Variants in ATP6V1A observed in about 807,000 individuals in gnomAD.
ATP6V1A encodes ATPase H+ transporting V1 subunit A, also known as V-type proton ATPase catalytic subunit A.
ATP6V1A carries 18 observed loss-of-function variants against 70.1 expected under a neutral mutation model. The observed-to-expected ratio is 0.26, with a 90% CI of 0.18 to 0.38. ATP6V1A has a LOEUF of 0.38. ATP6V1A is among the 10% of genes least tolerant of loss of function. The probability of loss-of-function intolerance (pLI) is 1.00; values close to 1 mark genes in which losing one functional copy is unlikely to be tolerated. For missense variants in ATP6V1A, 424 were observed against 772.4 expected (o/e 0.55, Z 5.35); for synonymous variants, 232 against 253.8 (o/e 0.91, Z 0.82).
Position 113,795,116 on chromosome 3 carries a change from G to C in ATP6V1A, c.1138G>C (p.Ala380Pro). ...ADSGYPAYLG[A>P]RLASFYERAG... ...TAGTGGATATCCAGCCTATCTTGGT[G>C]CCCGTCTGGCCTCGTTTTATGAACG... is the stretch of plus-strand genomic sequence containing the variant. The change falls in exon 10 of 15, where the codon GCC (alanine) becomes CCC (proline). Residue 380 changes from alanine (A) to proline (P), a missense_variant. Transcript: ENST00000273398. 2 of 1,614,120 alleles carry C rather than the reference G, an allele frequency of 1.2e-6. No homozygotes were observed. The highest frequency in any genetic ancestry group is 1.7e-6 in the Non-Finnish European group (2 of 1,180,006).
intron 1 of ATP6V1A, among the ~76,000 whole-genome samples, chr3:113,753,226 A>G (rs891734495): frequency 6.6e-6 from 1 of 152,248 alleles, no homozygotes; most frequent in Non-Finnish European, 1.5e-5. Context: ...TAACCTTACT[A>G]GTAATCAATA....
In ATP6V1A at chr3:113,784,456, A is replaced by G. The variant is rs755782826; in HGVS notation, c.426+18A>G. Reference sequence around the variant, plus strand: ...ACCTACGGGTATGTCTGTGTAACCAAGAATTTCTGAAGTTATTGAAAGAAT... The same window carrying G: ...ACCTACGGGTATGTCTGTGTAACCAGGAATTTCTGAAGTTATTGAAAGAAT... On this transcript the variant is annotated intron_variant, in intron 4 of 14. Transcript: ENST00000273398. 4.5e-5 allele frequency: 71 copies of G among 1,571,640 alleles called. 2 individuals are homozygous for G. In the South Asian group the frequency reaches 7.6e-4, roughly 17 times the overall value.
intron 14 of ATP6V1A, 42 bp from the exon 15 acceptor site, chr3:113,809,293 T>C: frequency 1.3e-6 from 2 of 1,550,164 alleles, no homozygotes; most frequent in South Asian, 2.3e-5. Context: ...TAATGAAAAT[T>C]ATTTTCCAAA....
intron 4 of ATP6V1A, 54 bp from the exon 5 acceptor site, chr3:113,784,642 C>A (rs1342201917): frequency 6.3e-7 from 1 of 1,589,902 alleles, no homozygotes; most frequent in South Asian, 1.1e-5. Context: ...GCAGCAGGGG[C>A]AAGTCTACTT....
chr3:113,757,996 T>C (rs1018514523), intron 1 of ATP6V1A, among the ~76,000 whole-genome samples: 6 of 152,010 alleles, frequency 3.9e-5, no homozygotes, highest in Admixed American at 3.9e-4. Context: ...ATACAAAAAT[T>C]AGCTGGGCGT....
chr3:113,759,779 C>G (rs776904102), intron 1 of ATP6V1A, among the ~76,000 whole-genome samples: 3 of 152,114 alleles, frequency 2.0e-5, no homozygotes. Flanking sequence ...AGTTTTCACT[C>G]AACGATTAGA....
chr3:113,780,831 T>C, intron 2 of ATP6V1A: 1 of 1,336,742 alleles, frequency 7.5e-7, no homozygotes, highest in Non-Finnish European at 9.8e-7. Context: ...TTTTCATGTA[T>C]ATTATGTAAA....
intron 1 of ATP6V1A, among the ~76,000 whole-genome samples, chr3:113,756,366 A>C (rs911041205): frequency 1.3e-5 from 2 of 152,248 alleles, no homozygotes; most frequent in Non-Finnish European, 2.9e-5. Context: ...AAATTCCTAG[A>C]AATGGACTAG....
chr3:113,756,758 A>C (rs897034046), intron 1 of ATP6V1A, among the ~76,000 whole-genome samples: 1 of 152,204 alleles, frequency 6.6e-6, no homozygotes, highest in Non-Finnish European at 1.5e-5. Context: ...AAATGCTGTA[A>C]TTGTTAATAA....
intron 2 of ATP6V1A, chr3:113,779,156 A>G (rs1422658457): frequency 5.5e-6 from 1 of 182,768 alleles, no homozygotes; most frequent in Non-Finnish European, 1.1e-5. Context: ...TGAAGTTTAT[A>G]GCTTTTAATA....
intron 4 of ATP6V1A, 79 bp from the exon 5 acceptor site, chr3:113,784,617 T>C: frequency 6.5e-7 from 1 of 1,530,930 alleles, no homozygotes; most frequent in Non-Finnish European, 8.9e-7. Context: ...AGTCAGGTAA[T>C]TGATTTAAAT....
intron 1 of ATP6V1A, among the ~76,000 whole-genome samples, chr3:113,762,123 G>T (rs1266691045): frequency 7.6e-6 from 1 of 131,008 alleles, no homozygotes; most frequent in African/African-American, 2.8e-5. Flanking sequence ...TTGCACTGCA[G>T]CCTGGGCAAC....
At chr3:113,769,293 C>G (rs934909807) in intron 1 of ATP6V1A, among the ~76,000 whole-genome samples, 5 of 152,128 alleles carry the variant, frequency 3.3e-5, no homozygotes, top group African/African-American at 1.2e-4. Context: ...AGATACCTTT[C>G]TCTAAAAAGA....
intron 1 of ATP6V1A, among the ~76,000 whole-genome samples, chr3:113,769,394 C>T (rs888086407): frequency 6.6e-6 from 1 of 152,044 alleles, no homozygotes; most frequent in Admixed American, 6.6e-5. Flanking sequence ...CAGAGATAGT[C>T]TTTAATCAAT....
chr3:113,795,769 C>A, intron 10 of ATP6V1A, 107 bp from the exon 11 acceptor site: 1 of 837,040 alleles, frequency 1.2e-6, no homozygotes, highest in African/African-American at 1.8e-5. Flanking sequence ...AAGTTATTTA[C>A]ATTAAAATCG....
Position 113,795,931 on chromosome 3 carries a change from A to G in ATP6V1A, c.1282A>G (p.Ile428Val), listed in dbSNP as rs771116078. The G allele has an allele frequency of 1.9e-6, 3 of 1,609,982 alleles. No homozygotes were observed. Among genetic ancestry groups the G allele is most frequent in the South Asian group, 1.1e-5 (1 of 90,036 alleles). ...TCCAGTTACATCTGCCACTCTTGGT[A>G]TCGTTCAGGTATGTCTTTCCCTAGT... Reference protein sequence around the residue: ...SDPVTSATLGIVQVFWGLDKK... With the variant: ...SDPVTSATLGVVQVFWGLDKK... Residue 428 changes from isoleucine (I) to valine (V), a missense_variant, in exon 11 of 15, where the codon ATC (isoleucine) becomes GTC (valine). Transcript: ENST00000273398.
intron 14 of ATP6V1A, among the ~76,000 whole-genome samples, chr3:113,807,871 C>T (rs1709294152): frequency 2.0e-5 from 3 of 152,096 alleles, no homozygotes; most frequent in South Asian, 2.1e-4. Context: ...CATTGGCTCA[C>T]GTCTGTAATC....
chr3:113,793,455 CA>C (rs1709120046), intron 8 of ATP6V1A, among the ~76,000 whole-genome samples: 1 of 152,180 alleles, frequency 6.6e-6, no homozygotes, highest in Non-Finnish European at 1.5e-5. Flanking sequence ...TTGTCTGAGG[CA>C]TATTTTTCTT....
At chr3:113,756,084 A>C (rs1201965255) in intron 1 of ATP6V1A, among the ~76,000 whole-genome samples, 1 of 152,168 alleles carries the variant, frequency 6.6e-6, no homozygotes, top group Non-Finnish European at 1.5e-5. Flanking sequence ...TGAGATAGGC[A>C]CTATTTTTCT....
Sources: gnomAD v4.1 joint callset for allele counts (sites outside exome capture counted in the v4.1 genomes callset) on GRCh38, gnomAD v4.1.1 for gene constraint, MANE v1.5 for transcripts, NCBI Gene and HGNC (gene_info 2026-07-23, HGNC 2026-07-21) for gene names.